Variants in FMN2 observed in about 807,000 individuals in gnomAD.
The protein encoded by FMN2 is formin-2.
In FMN2, 51 loss-of-function variants were observed where a neutral mutation model predicts 142.3. The ratio of observed to expected loss-of-function variants is 0.36; its 90% confidence interval spans 0.29 to 0.45. FMN2 has a LOEUF of 0.45. Among genes scored for constraint, FMN2 ranks in the 20% least tolerant of loss-of-function variants. The pLI is 1.00. For synonymous variants in FMN2, 882 were observed against 869.8 expected, an observed-to-expected ratio of 1.01 and a Z score of -0.25; for missense variants, 1,936 against 2,122.8, an observed-to-expected ratio of 0.91 and a Z score of 1.73.
chr1:240,273,332 T>G (rs1420440298), intron 7 of FMN2, among the ~76,000 whole-genome samples: 1 of 152,178 alleles, frequency 6.6e-6, no homozygotes, highest in Non-Finnish European at 1.5e-5. Context: ...ATCTCCATCT[T>G]CAGGATGAAA....
chr1:240,123,243 G>C lies in FMN2; in HGVS notation c.1680G>C (p.Lys560Asn). Residue 560 changes from lysine to asparagine, a missense_variant, in exon 2 of 18, where the codon AAG becomes AAC. By Grantham distance (94) the Lys-to-Asn change is moderately conservative. Coordinates refer to ENST00000319653, the MANE Select transcript of FMN2 (RefSeq NM_020066.5). ...ACGGGCCTCCAGAAGAAGCAGAGAA[G>C]TTTTGCTCCCGGATCATTGCCATGG... ...QENGPPEEAE[K>N]FCSRIIAMGL... 3 of 1,614,196 alleles carry C rather than the reference G, an allele frequency of 1.9e-6. No homozygotes were observed. The highest frequency in any genetic ancestry group is 4.5e-5 in the East Asian group (2 of 44,872).
At chr1:240,381,902 A>G (rs35046419) in intron 14 of FMN2, among the ~76,000 whole-genome samples, 279 of 152,358 alleles carry the variant, frequency 1.8e-3, no homozygotes, top group Middle Eastern at 6.8e-3. Context: ...ATTTTCCCTG[A>G]GAACTGGAAC....
At position 240,358,950 on chromosome 1, in the gene FMN2, C is replaced by T. The variant is rs572822123; in HGVS notation, c.4858+3042C>T. 7.2e-5 allele frequency among the ~76,000 whole-genome samples: 11 copies of T among 152,094 alleles called. No individual in the cohort carries two copies. In the South Asian group the frequency reaches 2.3e-3, roughly 32 times the overall value. On this transcript the variant is annotated intron_variant, in intron 14 of 17. Transcript: ENST00000319653. ...CCAGGAGTTCGAGACCAGCCTGAAACCCCATCTCTACTAAAAATACAAAAG... is the reference window on the plus strand; with the variant it reads ...CCAGGAGTTCGAGACCAGCCTGAAATCCCATCTCTACTAAAAATACAAAAG...
intron 2 of FMN2, among the ~76,000 whole-genome samples, chr1:240,163,548 A>G (rs1487210652): frequency 1.3e-5 from 2 of 152,104 alleles, no homozygotes; most frequent in Non-Finnish European, 2.9e-5. Context: ...TACATGTTAT[A>G]TCTTTTTACT....
At chr1:240,132,160 G>A (rs1182218680) in intron 2 of FMN2, among the ~76,000 whole-genome samples, 4 of 152,176 alleles carry the variant, frequency 2.6e-5, no homozygotes, top group Non-Finnish European at 5.9e-5. Context: ...GAATACTAAA[G>A]ACGGAACAGA....
At chr1:240,474,085 GTTCT>G (rs750950225) in intron 17 of FMN2, 39 bp from the exon 18 acceptor site, 140 of 1,521,716 alleles carry the variant, frequency 9.2e-5, no homozygotes, top group Non-Finnish European at 1.2e-4. Flanking sequence ...ATTTTTAAAA[GTTCT>G]TTCTAACTAA....
In FMN2 at chr1:240,384,551, G is replaced by A. The variant is rs79114036; in HGVS notation, c.4859-7960G>A. On this transcript the variant is annotated intron_variant, in intron 14 of 17. Coordinates refer to ENST00000319653, the MANE Select transcript of FMN2 (RefSeq NM_020066.5). The stretch of plus-strand genomic sequence containing the variant: ...CCACTGTTCATTGTTTACCCTCTCC[G>A]GTCTCTGCTCCTTTTTCTACTTGAC... Among the ~76,000 whole-genome samples, 741 of 151,864 alleles carry A rather than the reference G, an allele frequency of 4.9e-3. 9 individuals carry two copies. Among genetic ancestry groups the A allele is most frequent in the African/African-American group, 0.017 (712 of 41,416 alleles).
intron 14 of FMN2, among the ~76,000 whole-genome samples, chr1:240,366,814 G>A (rs1672687520): frequency 6.6e-6 from 1 of 152,136 alleles, no homozygotes; most frequent in Non-Finnish European, 1.5e-5. Flanking sequence ...ACCTCCCAAA[G>A]AGCTGGGATT....
intron 16 of FMN2, among the ~76,000 whole-genome samples, chr1:240,459,712 G>T (rs1676375791): frequency 1.5e-5 from 1 of 66,342 alleles, no homozygotes; most frequent in African/African-American, 6.4e-5. Flanking sequence ...ACAAGACTCT[G>T]TCTCTAAAAA....
chr1:240,342,759 C>G (rs1671784082), intron 13 of FMN2, among the ~76,000 whole-genome samples: 1 of 152,048 alleles, frequency 6.6e-6, no homozygotes, highest in Non-Finnish European at 1.5e-5. Context: ...AATCATTTAA[C>G]AAATGTTTAT....
At chr1:240,453,522 C>T (rs1676128160) in intron 16 of FMN2, among the ~76,000 whole-genome samples, 1 of 152,020 alleles carries the variant, frequency 6.6e-6, no homozygotes, top group African/African-American at 2.4e-5. Context: ...AAATTAGTAC[C>T]AATGGTGTTT....
chr1:240,337,509 A>G (rs2103024676), intron 13 of FMN2, among the ~76,000 whole-genome samples: 2 of 152,330 alleles, frequency 1.3e-5, no homozygotes, highest in East Asian at 3.9e-4. Flanking sequence ...TCATATGGCC[A>G]CATTTTGTTT....
intron 4 of FMN2, among the ~76,000 whole-genome samples, chr1:240,190,490 A>T (rs182109396): frequency 6.4e-4 from 97 of 152,322 alleles, no homozygotes; most frequent in Non-Finnish European, 1.2e-3. Flanking sequence ...AACCTACTGT[A>T]TACCTGTTCT....
chr1:240,375,999 C>A (rs2103075058), intron 14 of FMN2, among the ~76,000 whole-genome samples: 1 of 151,936 alleles, frequency 6.6e-6, no homozygotes, highest in Middle Eastern at 3.4e-3. Context: ...GTTCATAATA[C>A]TTTTTTGGAG....
chr1:240,121,381 AT>A (rs149431338), intron 1 of FMN2, among the ~76,000 whole-genome samples: 20,833 of 140,866 alleles, frequency 0.15, 1,495 homozygotes, highest in South Asian at 0.18. Context: ...TTTTATTTTT[AT>A]TTTTTTTTTT....
At chr1:240,168,744 AG>A (rs1664583171) in intron 2 of FMN2, among the ~76,000 whole-genome samples, 2 of 152,240 alleles carry the variant, frequency 1.3e-5, no homozygotes, top group Non-Finnish European at 2.9e-5. Flanking sequence ...ATTAAAGAAA[AG>A]AAAAAACAAT....
chr1:240,221,849 C>T (rs1221894446), intron 6 of FMN2, among the ~76,000 whole-genome samples: 8 of 115,250 alleles, frequency 6.9e-5, no homozygotes, highest in African/African-American at 1.3e-4. Flanking sequence ...CTTCTAGGGA[C>T]TTTTTTTTTT....
rs1665597649 is a variant in FMN2 at position 240,189,048 on chromosome 1, G to A, written c.1986+786G>A. Among the ~76,000 whole-genome samples, 3 of 151,982 alleles carry A rather than the reference G, an allele frequency of 2.0e-5. No homozygotes were observed. In the South Asian group the frequency reaches 6.2e-4, roughly 31 times the overall value. On this transcript the variant is annotated intron_variant, in intron 4 of 17. Transcript: ENST00000319653. ...CCTCCCACAACATGTGGGAATTATG[G>A]GAGCTACAAGATGAGATTTGGCTGG...
intron 15 of FMN2, among the ~76,000 whole-genome samples, chr1:240,436,107 C>T (rs780389994): frequency 6.6e-5 from 10 of 152,138 alleles, no homozygotes; most frequent in African/African-American, 1.7e-4. Context: ...ATCTACTCTC[C>T]GGGCAGTTCT....
Sources: allele counts gnomAD v4.1 joint callset (sites outside exome capture counted in the v4.1 genomes callset), GRCh38; gene constraint gnomAD v4.1.1; transcripts MANE v1.5; gene names NCBI Gene and HGNC (gene_info 2026-07-23, HGNC 2026-07-21).